Variants in XRCC5 observed in about 807,000 individuals in gnomAD.
XRCC5 encodes the protein DNA repair protein Ku80.
In XRCC5, 12 loss-of-function variants were observed where a neutral mutation model predicts 95.7. The ratio of observed to expected loss-of-function variants is 0.13; its 90% CI spans 0.08 to 0.20. XRCC5 has a LOEUF of 0.20. XRCC5 is among the 10% of genes least tolerant of loss of function. The pLI is 1.00. For missense variants in XRCC5, 595 were observed against 873.9 expected, an observed-to-expected ratio of 0.68 and a Z score of 4.02; for synonymous variants, 281 against 290.3, an observed-to-expected ratio of 0.97 and a Z score of 0.33.
At chr2:216,124,594 G>C (rs1047028696) in intron 6 of XRCC5, among the ~76,000 whole-genome samples, 15 of 152,154 alleles carry the variant, frequency 9.9e-5, no homozygotes, top group African/African-American at 3.4e-4. Context: ...GTGCACCATA[G>C]GCTTTGGAAG....
chr2:216,115,223 C>G (rs557006422), intron 2 of XRCC5, among the ~76,000 whole-genome samples: 1 of 152,194 alleles, frequency 6.6e-6, no homozygotes, highest in African/African-American at 2.4e-5. Flanking sequence ...GGAGTCGCCA[C>G]TCCGGAGTTT....
chr2:216,204,329 C>A lies in XRCC5; in HGVS notation c.2117C>A (p.Ala706Asp), dbSNP rs532266155. Residue 706 changes from alanine to aspartate, a missense_variant, in exon 20 of 21, where the codon GCC becomes GAC. Ala to Asp is a moderately radical substitution (Grantham distance 126). This residue lies in a region of XRCC5 where 309 missense variants were observed against 382.9 expected (regional missense o/e 0.81). Transcript: ENST00000392132. Reference protein sequence around the residue: ...VTAEEAKKFLAPKDKPSGDTA... With the variant: ...VTAEEAKKFLDPKDKPSGDTA... ...CTGACTTTCTATTTACAGTTTCTGGCCCCCAAAGACAAACCAAGTGGAGAC... is the reference window on the plus strand; with the variant it reads ...CTGACTTTCTATTTACAGTTTCTGGACCCCAAAGACAAACCAAGTGGAGAC... 3 of 1,613,698 alleles carry A rather than the reference C, an allele frequency of 1.9e-6. No homozygotes were observed. The highest frequency in any genetic ancestry group is 2.5e-6 in the Non-Finnish European group (3 of 1,179,816).
At chr2:216,183,943 C>T (rs1336216181) in intron 16 of XRCC5, among the ~76,000 whole-genome samples, 2 of 151,288 alleles carry the variant, frequency 1.3e-5, no homozygotes, top group Non-Finnish European at 2.9e-5. Context: ...AACTAGAAAA[C>T]AAGAATACCA....
chr2:216,185,880 C>G (rs1205711797), intron 16 of XRCC5, among the ~76,000 whole-genome samples: 3 of 152,102 alleles, frequency 2.0e-5, no homozygotes, highest in African/African-American at 7.2e-5. Flanking sequence ...CCTCCTTGGC[C>G]TCCCAAGGTG....
At chr2:216,118,611 AATC>A (rs1696744803) in intron 4 of XRCC5, among the ~76,000 whole-genome samples, 2 of 152,248 alleles carry the variant, frequency 1.3e-5, no homozygotes, top group Admixed American at 1.3e-4. Flanking sequence ...AAATCTGTGT[AATC>A]ATTTCTCAAT....
intron 6 of XRCC5, among the ~76,000 whole-genome samples, chr2:216,125,202 CTT>C (rs533096830): frequency 5.8e-5 from 8 of 138,928 alleles, no homozygotes; most frequent in African/African-American, 1.3e-4. Context: ...TTCCTTTTTT[CTT>C]TTTTTTTTTT....
rs1025372771 is a variant in XRCC5 at position 216,195,123 on chromosome 2, A to G, written c.2109+137A>G. 3 of 745,690 alleles carry G rather than the reference A, an allele frequency of 4.0e-6. No individual in the cohort carries two copies. In the African/African-American group the frequency reaches 5.3e-5, roughly 13 times the overall value. The allele number at this position is 745,690 out of a possible 1,614,324, so 46.2% of individuals were successfully genotyped here. A position where few individuals can be genotyped will look rare whatever the true frequency, so the allele number is the denominator to read the frequency against. The stretch of plus-strand genomic sequence containing the variant: ...TGTATTCAATATGTAAATTGCTTCA[A>G]CCACAGCATCCCCATGGGAGAAATT... On this transcript the variant is annotated intron_variant, in intron 19 of 20. Coordinates refer to ENST00000392132, the MANE Select transcript of XRCC5 (RefSeq NM_021141.4).
intron 16 of XRCC5, among the ~76,000 whole-genome samples, chr2:216,163,483 T>G (rs754833694): frequency 6.6e-5 from 10 of 151,528 alleles, no homozygotes; most frequent in Admixed American, 2.0e-4. Context: ...ACAGACGGGG[T>G]TTCGTTATGT....
chr2:216,158,577 T>C (rs2106025758), intron 14 of XRCC5, among the ~76,000 whole-genome samples: 1 of 152,334 alleles, frequency 6.6e-6, no homozygotes, highest in South Asian at 2.1e-4. Flanking sequence ...TTTTCTTTCA[T>C]TTTTCCACGA....
chr2:216,147,963 T>C, intron 13 of XRCC5, 120 bp from the exon 14 acceptor site: 4 of 1,082,854 alleles, frequency 3.7e-6, no homozygotes, highest in South Asian at 1.5e-5. Context: ...GATTGTTTTT[T>C]ACATGTGGTA....
chr2:216,187,861 T>TCTCTCTCCCCCC (rs143232624), intron 16 of XRCC5, among the ~76,000 whole-genome samples: 5 of 116,284 alleles, frequency 4.3e-5, no homozygotes, highest in African/African-American at 2.1e-4. Context: ...TCTCTCTCTC[T>TCTCTCTCCCCCC]CCCCGTCTCC....
Position 216,110,998 on chromosome 2 carries a change from T to C in XRCC5, c.21+1541T>C, listed in dbSNP as rs188085601. ...TTCTTTTCATGTGTTGCCTGAGATA[T>C]AACCACATTTAGAAATCATCTATAA... On this transcript the variant is annotated intron_variant, in intron 1 of 20. Transcript: ENST00000392132. Among the ~76,000 whole-genome samples the C allele has an allele frequency of 2.4e-3, 370 of 152,350 alleles. 2 individuals are homozygous for C. The highest frequency in any genetic ancestry group is 4.3e-3 in the South Asian group (21 of 4,830).
intron 16 of XRCC5, among the ~76,000 whole-genome samples, chr2:216,179,737 T>C (rs1689347458): frequency 6.6e-6 from 1 of 152,190 alleles, no homozygotes; most frequent in African/African-American, 2.4e-5. Flanking sequence ...GTCAGAGAGC[T>C]GGCTGGGGTA....
rs1697117787 is a variant in XRCC5 at position 216,138,125 on chromosome 2, T to C, written c.1288T>C (p.Leu430=). The part of the protein sequence containing the change: ...VYVQLPFMED[L]RQYMFSSLKN... ...TGTGCAGCTGCCTTTCATGGAAGAC[T>C]TGCGGCAATACATGTTTTCATCCTT... The change falls in exon 12 of 21, where the codon TTG becomes CTG. Residue 430 remains leucine (L), a synonymous_variant. Transcript: ENST00000392132. 6.2e-7 allele frequency: 1 copy of C among 1,613,420 alleles called. No homozygotes were observed. Among genetic ancestry groups the C allele is most frequent in the South Asian group, 1.1e-5 (1 of 91,072 alleles).
Position 216,196,193 on chromosome 2 carries a change from A to G in XRCC5, c.2109+1207A>G, listed in dbSNP as rs180675422. ...AAATTTACAAGAATTTTTATTAAGC[A>G]CTTTGCCTAGCAAAAGATTTTTGTT... is the stretch of plus-strand genomic sequence containing the variant. On this transcript the variant is annotated intron_variant, in intron 19 of 20. Coordinates refer to ENST00000392132, the MANE Select transcript of XRCC5 (RefSeq NM_021141.4). Among the ~76,000 whole-genome samples, 147 of 151,314 alleles carry G rather than the reference A, an allele frequency of 9.7e-4. 3 individuals are homozygous for G. In the East Asian group the frequency reaches 0.016, roughly 16 times the overall value.
At chr2:216,171,058 C>T (rs1235772333) in intron 16 of XRCC5, among the ~76,000 whole-genome samples, 3 of 152,202 alleles carry the variant, frequency 2.0e-5, no homozygotes, top group Non-Finnish European at 4.4e-5. Context: ...CTTGAAGTGA[C>T]TGCTGGTGGC....
Position 216,130,465 on chromosome 2 carries a change from G to A in XRCC5, c.938-410G>A, listed in dbSNP as rs41299810. Among the ~76,000 whole-genome samples the A allele has an allele frequency of 4.6e-4, 70 of 151,914 alleles. 1 individual carries two copies. In the East Asian group the frequency reaches 0.014, roughly 29 times the overall value. ...ATTTTGTTCTGAAAATTTCCTGTTG[G>A]CATTTTTCTCTGTGGGTCTCTAGGT... is the stretch of plus-strand genomic sequence containing the variant. On this transcript the variant is annotated intron_variant, in intron 8 of 20. Transcript: ENST00000392132.
chr2:216,199,889 T>TG (rs1689804717), intron 19 of XRCC5, among the ~76,000 whole-genome samples: 1 of 150,534 alleles, frequency 6.6e-6, no homozygotes, highest in South Asian at 2.1e-4. Flanking sequence ...GTAAGCTCTG[T>TG]GAAAAAAAAA....
intron 11 of XRCC5, 113 bp downstream of exon 11, chr2:216,137,338 A>G (rs1411254143): frequency 2.4e-6 from 3 of 1,272,218 alleles, no homozygotes; most frequent in Admixed American, 2.8e-5. Context: ...TAAAATGCAG[A>G]TCCTCATTGT....
Sources: allele counts gnomAD v4.1 joint callset (sites outside exome capture counted in the v4.1 genomes callset), GRCh38; gene constraint gnomAD v4.1.1; regional missense constraint gnomAD v4.1.1; transcripts MANE v1.5; gene names NCBI Gene and HGNC (gene_info 2026-07-23, HGNC 2026-07-21).